Variants in IAH1 observed in about 807,000 individuals in gnomAD.
The protein encoded by IAH1 is isoamyl acetate hydrolyzing esterase 1 (putative).
IAH1 carries 24 observed loss-of-function variants against 26.7 expected under a neutral mutation model. The observed-to-expected ratio is 0.90, with a 90% CI of 0.65 to 1.26. The LOEUF is 1.26. IAH1 is among the 50% of genes most tolerant of loss of function. The pLI, the probability that IAH1 is intolerant of heterozygous loss-of-function variation, is 0.00. For synonymous variants in IAH1, 140 were observed against 118.5 expected (o/e 1.18, Z -1.18); for missense variants, 300 against 299.9 (o/e 1.00, Z 0.00).
chr2:9,490,398 G>C, downstream of IAH1: 5 of 1,614,166 alleles, frequency 3.1e-6, no homozygotes, highest in Non-Finnish European at 3.4e-6. Context: ...TCCAGTTTTG[G>C]AGCTGCTGGC....
intron 3 of IAH1, among the ~76,000 whole-genome samples, chr2:9,479,362 A>G (rs1218779831): frequency 1.3e-5 from 2 of 152,226 alleles, no homozygotes; most frequent in African/African-American, 4.8e-5. Context: ...GAAAAAACTG[A>G]AGAAGAAAAT....
In IAH1 at chr2:9,476,091, G is replaced by GATCC. The variant is rs765629384; in HGVS notation, c.134+53_134+56dup. ...TCTTATGGATGGAAAATGTCTTAGG[G>GATCC]ATCCGTCTTATGGATGAAGGATAGT... On this transcript the variant is annotated intron_variant, in intron 2 of 5. Transcript: ENST00000497473. 18 of 1,472,586 alleles carry GATCC rather than the reference G, an allele frequency of 1.2e-5. No homozygotes were observed. The Middle Eastern group carries it at 5.9e-4, about 48-fold the overall frequency. 91.2% of individuals were successfully genotyped at this position (1,472,586 alleles called of 1,614,324 possible).
Position 9,474,557 on chromosome 2 carries a change from C to CCGCCT in IAH1, c.-10_-9insCGCCT. The CCGCCT allele has an allele frequency of 6.8e-7, 1 of 1,481,462 alleles. No individual in the cohort carries two copies. Among genetic ancestry groups the CCGCCT allele is most frequent in the Non-Finnish European group, 8.9e-7 (1 of 1,120,818 alleles). 91.8% of individuals were successfully genotyped at this position (1,481,462 alleles called of 1,614,324 possible). ...GCTGGCGGCCCCGCCCCGCCCCGCC[C>CCGCCT]GGCTGCTCCATGGCGCTGTGCGAGG... On this transcript the variant is annotated 5_prime_UTR_variant, in exon 1 of 6. Transcript: ENST00000497473. The surrounding 1 kb of genome is among the most constrained non-coding windows in gnomAD (Gnocchi z 4.3).
the IAH1 span, among the ~76,000 whole-genome samples, chr2:9,503,139 A>C: frequency 9.5e-5 from 14 of 147,336 alleles, no homozygotes; most frequent in East Asian, 2.2e-3. Context: ...GACTCTCTCA[A>C]AAAAAAAAAA....
intron 3 of IAH1, chr2:9,480,916 T>TA (rs1448065553): frequency 5.8e-6 from 1 of 172,290 alleles, no homozygotes; most frequent in African/African-American, 2.4e-5. Context: ...ACAGAAAGTC[T>TA]AAGTATTTAT....
At chr2:9,493,345 C>G (rs1204347195), downstream of IAH1, among the ~76,000 whole-genome samples, 1 of 152,172 alleles carries the variant, frequency 6.6e-6, no homozygotes, top group Non-Finnish European at 1.5e-5. Context: ...CTCGTGACAA[C>G]ATGATATACC....
downstream of IAH1, among the ~76,000 whole-genome samples, chr2:9,494,393 A>C (rs1662395089): frequency 6.6e-6 from 1 of 152,102 alleles, no homozygotes; most frequent in African/African-American, 2.4e-5. Flanking sequence ...ACTTTACCAT[A>C]AAGTCCCCAC....
the IAH1 span, among the ~76,000 whole-genome samples, chr2:9,507,766 C>T: frequency 3.3e-5 from 5 of 152,192 alleles, no homozygotes; most frequent in Non-Finnish European, 5.9e-5. Context: ...GTCATCCAGG[C>T]TGGAGTGTAG....
At position 9,475,833 on chromosome 2, in the gene IAH1, T is replaced by A. The variant is rs1682458404; in HGVS notation, c.82-154T>A. 6.1e-6 allele frequency: 4 copies of A among 653,056 alleles called. No homozygotes were observed. The Admixed American group carries it at 7.6e-5, about 12-fold the overall frequency. 40.5% of individuals were successfully genotyped at this position (653,056 alleles called of 1,614,324 possible). Reference sequence around the variant, plus strand: ...CCCTCTGCTAAAGTGCTGCCAGGTGTACTTACCTGTAATCCCCAAAATGAC... The same window carrying A: ...CCCTCTGCTAAAGTGCTGCCAGGTGAACTTACCTGTAATCCCCAAAATGAC... On this transcript the variant is annotated intron_variant, in intron 1 of 5. Transcript: ENST00000497473.
the IAH1 span, among the ~76,000 whole-genome samples, chr2:9,509,310 C>A: frequency 6.6e-6 from 1 of 152,236 alleles, no homozygotes. Flanking sequence ...TTTATTAACA[C>A]AACTTTTAGT....
intron 1 of IAH1, among the ~76,000 whole-genome samples, chr2:9,475,454 T>A (rs1682428337): frequency 6.6e-6 from 1 of 152,066 alleles, no homozygotes; most frequent in Admixed American, 6.5e-5. Flanking sequence ...CACTGACCTT[T>A]GACTTTATTT....
intron 5 of IAH1, chr2:9,486,841 A>T (rs1014871046): frequency 1.2e-4 from 18 of 152,036 alleles, no homozygotes; most frequent in African/African-American, 4.3e-4. Context: ...AAAAAAAAAA[A>T]AAAAGTCACA....
chr2:9,480,518 G>T (rs1424442836), intron 3 of IAH1, among the ~76,000 whole-genome samples: 1 of 152,166 alleles, frequency 6.6e-6, no homozygotes, highest in Non-Finnish European at 1.5e-5. Flanking sequence ...GTAGAGAAAA[G>T]CAAAATATGA....
chr2:9,490,010 G>T, downstream of IAH1: 1 of 603,094 alleles, frequency 1.7e-6, no homozygotes, highest in Non-Finnish European at 2.8e-6. Context: ...TTCAAAAGGA[G>T]AAGGGCCAAA....
chr2:9,490,187 GTTTC>G, downstream of IAH1: 1 of 1,594,660 alleles, frequency 6.3e-7, no homozygotes, highest in East Asian at 2.3e-5. Context: ...TTAGCACTCT[GTTTC>G]TTTGCTGTCA....
Position 9,489,259 on chromosome 2 carries a change from A to ATTTTTTTTTTTTT in IAH1, c.*942_*954dup, listed in dbSNP as rs34525911. On this transcript the variant is annotated 3_prime_UTR_variant, in exon 6 of 6. Transcript: ENST00000497473. The stretch of plus-strand genomic sequence containing the variant: ...AATATTCTAGGTTTGTAGATAGTGA[A>ATTTTTTTTTTTTT]TTTTTTTTTTTTTTTTTTTTTTTTG... 4.2e-3 allele frequency: 369 copies of ATTTTTTTTTTTTT among 87,384 alleles called. 49 individuals carry two copies. The highest frequency in any genetic ancestry group is 0.022 in the African/African-American group (346 of 15,518). The allele number at this position is 87,384 out of a possible 1,614,324, so 5.4% of individuals were successfully genotyped here. A position where few individuals can be genotyped will look rare whatever the true frequency, so the allele number is the denominator to read the frequency against.
intron 2 of IAH1, 104 bp from the exon 3 acceptor site, chr2:9,478,113 CACGTG>C (rs1488771054): frequency 2.2e-6 from 2 of 927,302 alleles, no homozygotes; most frequent in African/African-American, 1.7e-5. Flanking sequence ...GGCTCAGAGA[CACGTG>C]ACGGGTTTAG....
chr2:9,474,713 G>A lies in IAH1; in HGVS notation c.81+66G>A. On this transcript the variant is annotated intron_variant, in intron 1 of 5. Coordinates refer to ENST00000497473, the MANE Select transcript of IAH1 (RefSeq NM_001039613.3). The surrounding 1 kb of genome is among the most constrained non-coding windows in gnomAD (Gnocchi z 4.3). Reference sequence around the variant, plus strand: ...CTGCGGGGTCGCTGCCGAGCAGGCCGAGGCTCCTCGCCGTCCTCTTCGGCG... The same window carrying A: ...CTGCGGGGTCGCTGCCGAGCAGGCCAAGGCTCCTCGCCGTCCTCTTCGGCG... 7.9e-7 allele frequency: 1 copy of A among 1,262,676 alleles called. No homozygotes were observed. The highest frequency in any genetic ancestry group is 1.1e-6 in the Non-Finnish European group (1 of 924,616). The allele number at this position is 1,262,676 out of a possible 1,614,324, so 78.2% of individuals were successfully genotyped here. A position where few individuals can be genotyped will look rare whatever the true frequency, so the allele number is the denominator to read the frequency against.
downstream of IAH1, among the ~76,000 whole-genome samples, chr2:9,493,182 A>G (rs1662300470): frequency 6.6e-6 from 1 of 152,228 alleles, no homozygotes; most frequent in African/African-American, 2.4e-5. Context: ...AATAGCCCTC[A>G]TATACTGGCT....
Sources: allele counts gnomAD v4.1 joint callset (sites outside exome capture counted in the v4.1 genomes callset), GRCh38; gene constraint gnomAD v4.1.1; non-coding constraint Gnocchi (gnomAD v3.1); transcripts MANE v1.5; gene names NCBI Gene and HGNC (gene_info 2026-07-23, HGNC 2026-07-21).